Variants in PLA2G6 observed in about 807,000 individuals in gnomAD.
PLA2G6 encodes the protein 85/88 kDa calcium-independent phospholipase A2.
A neutral mutation model predicts 83.8 loss-of-function variants in PLA2G6; 62 were observed. That is an observed-to-expected ratio of 0.74 (90% CI 0.60 to 0.91). PLA2G6 has a LOEUF of 0.91. PLA2G6 is among the 40% of genes least tolerant of loss of function. The pLI is 0.00. For missense variants in PLA2G6, 944 were observed against 1,102.0 expected (o/e 0.86, Z 2.03); for synonymous variants, 417 against 449.8 (o/e 0.93, Z 0.92).
At chr22:38,122,764 G>T (rs547233358) in intron 11 of PLA2G6, among the ~76,000 whole-genome samples, 1 of 152,336 alleles carries the variant, frequency 6.6e-6, no homozygotes, top group South Asian at 2.1e-4. Context: ...GCAGCAGGCT[G>T]TGTGGCCCCT....
At chr22:38,154,896 T>C (rs1165174691) in intron 2 of PLA2G6, among the ~76,000 whole-genome samples, 1 of 152,190 alleles carries the variant, frequency 6.6e-6, no homozygotes, top group Non-Finnish European at 1.5e-5. Flanking sequence ...TTCAGAATCC[T>C]AACAGATAAA....
chr22:38,127,897 C>A (rs1280235390), intron 9 of PLA2G6, among the ~76,000 whole-genome samples: 1 of 152,182 alleles, frequency 6.6e-6, no homozygotes, highest in Non-Finnish European at 1.5e-5. Flanking sequence ...GCCAGAGGGA[C>A]AGGTGAAGCC....
At chr22:38,162,568 G>C (rs922051179) in intron 2 of PLA2G6, among the ~76,000 whole-genome samples, 2 of 152,142 alleles carry the variant, frequency 1.3e-5, no homozygotes, top group African/African-American at 4.8e-5. Context: ...TTGTATTTAC[G>C]GGAGAGCTGC....
intron 1 of PLA2G6, among the ~76,000 whole-genome samples, chr22:38,176,619 G>A (rs934567820): frequency 6.6e-6 from 1 of 152,136 alleles, no homozygotes; most frequent in Non-Finnish European, 1.5e-5. Context: ...CTGTAGCTCC[G>A]TCTGTGCCAC....
At chr22:38,163,620 A>G (rs1263306243) in intron 2 of PLA2G6, 1 of 169,458 alleles carries the variant, frequency 5.9e-6, no homozygotes, top group Non-Finnish European at 1.5e-5. Context: ...AGGCCCACAG[A>G]GCAGGAGCCG....
chr22:38,116,316 C>T (rs1569244759), intron 12 of PLA2G6, 105 bp from the exon 13 acceptor site: 2 of 1,258,910 alleles, frequency 1.6e-6, no homozygotes, highest in Non-Finnish European at 2.3e-6. Context: ...GTGCCCACTC[C>T]AACCTCTGTT....
At chr22:38,149,453 G>T (rs1306613402) in intron 2 of PLA2G6, 1 of 152,088 alleles carries the variant, frequency 6.6e-6, no homozygotes, top group African/African-American at 2.4e-5. Flanking sequence ...ATATAATCAG[G>T]AAAGAGTAAA....
At chr22:38,114,181 C>CTTTT (rs892300892) in intron 14 of PLA2G6, among the ~76,000 whole-genome samples, 65 of 137,576 alleles carry the variant, frequency 4.7e-4, no homozygotes, top group African/African-American at 1.5e-3. Flanking sequence ...TGGGTGCTGC[C>CTTTT]TTTTTTTTTT....
rs1249932456 is a variant in PLA2G6 at position 38,117,907 on chromosome 22, A to G, written c.1743-1696T>C. Among the ~76,000 whole-genome samples the G allele has an allele frequency of 2.0e-5, 3 of 152,058 alleles. No homozygotes were observed. In the East Asian group the frequency reaches 5.8e-4, roughly 30 times the overall value. On this transcript the variant is annotated intron_variant, in intron 12 of 16. Transcript: ENST00000332509. Reference sequence around the variant, plus strand: ...AAAAATTAGCCGGGCATGGTGGTGCACGCCTATAATCCCAGCTACTCCGGA... The same window carrying G: ...AAAAATTAGCCGGGCATGGTGGTGCGCGCCTATAATCCCAGCTACTCCGGA...
chr22:38,174,976 AG>A (rs2090580198), intron 1 of PLA2G6, among the ~76,000 whole-genome samples: 1 of 152,128 alleles, frequency 6.6e-6, no homozygotes. Flanking sequence ...GCGGGTGGTG[AG>A]GGAGAACTCA....
chr22:38,144,830 CATAAAATAAAATAAAATAAAATAAA>C lies in PLA2G6; in HGVS notation c.425+583_425+607del, dbSNP rs132935. The C allele has an allele frequency of 1.7e-4, 30 of 181,486 alleles. 2 individuals carry two copies. Among genetic ancestry groups the C allele is most frequent in the Admixed American group, 2.6e-4 (4 of 15,370 alleles). 11.2% of individuals were successfully genotyped at this position (181,486 alleles called of 1,614,324 possible). A position where few individuals can be genotyped will look rare whatever the true frequency, so the allele number is the denominator to read the frequency against. On this transcript the variant is annotated intron_variant, in intron 3 of 16. Transcript: ENST00000332509. ...CTCAAAATAAAATAACATAACGTAA[CATAAAATAAAATAAAATAAAATAAA>C]ATAAAATAAAATAAAATAAAGTAAA...
chr22:38,143,089 C>G lies in PLA2G6; in HGVS notation c.609+16G>C, dbSNP rs749885679. ...GAGGTATCAGTACCAGTCACCCTGC[C>G]CCTCCCCCTGCTCACCTGCAGCACC... is the stretch of plus-strand genomic sequence containing the variant. On this transcript the variant is annotated intron_variant, in intron 4 of 16. Transcript: ENST00000332509. The G allele has an allele frequency of 3.1e-6, 5 of 1,612,634 alleles. No individual in the cohort carries two copies. The African/African-American group carries it at 6.7e-5, about 22-fold the overall frequency.
intron 7 of PLA2G6, among the ~76,000 whole-genome samples, 198 bp from the exon 8 acceptor site, chr22:38,129,760 C>T (rs1388795213): frequency 6.6e-6 from 1 of 152,182 alleles, no homozygotes; most frequent in African/African-American, 2.4e-5. Context: ...GGGGACCTGA[C>T]AAACAGGCTT....
intron 1 of PLA2G6, among the ~76,000 whole-genome samples, chr22:38,175,479 G>A (rs377328236): frequency 5.3e-5 from 8 of 152,186 alleles, no homozygotes; most frequent in Admixed American, 1.3e-4. Context: ...CTCCAGCCAC[G>A]CCGCACCATC....
Position 38,123,410 on chromosome 22 carries a change from G to T in PLA2G6, c.1428-152C>A. ...TTCTGTCCTATGCAGGACAGCGAGG[G>T]TGGGGGTGAGGGCAGTAAAGGAACA... On this transcript the variant is annotated intron_variant, in intron 10 of 16. Transcript: ENST00000332509. The surrounding 1 kb of genome is among the most constrained non-coding windows in gnomAD (Gnocchi z 4.1). 2 of 772,590 alleles carry T rather than the reference G, an allele frequency of 2.6e-6. No individual in the cohort carries two copies. The highest frequency in any genetic ancestry group is 2.2e-6 in the Non-Finnish European group (1 of 451,592). The allele number at this position is 772,590 out of a possible 1,614,324, so 47.9% of individuals were successfully genotyped here. A position where few individuals can be genotyped will look rare whatever the true frequency, so the allele number is the denominator to read the frequency against.
intron 14 of PLA2G6, among the ~76,000 whole-genome samples, chr22:38,114,359 G>T (rs2087060999): frequency 6.6e-6 from 1 of 152,082 alleles, no homozygotes; most frequent in East Asian, 1.9e-4. Context: ...TAATTTTTTT[G>T]TATTTTTAGT....
At position 38,123,106 on chromosome 22, in the gene PLA2G6, G is replaced by T. The variant is rs1422865730; in HGVS notation, c.1580C>A (p.Ala527Asp). Reference protein sequence around the residue: ...GTSTGGILALAILHSKSMAYM... With the variant: ...GTSTGGILALDILHSKSMAYM... ...GGGGCCGCCCTCACTGTGCAGAATGGCCAGGGCCAGGATGCCTCCAGTGCT... is the reference window on the plus strand; with the variant it reads ...GGGGCCGCCCTCACTGTGCAGAATGTCCAGGGCCAGGATGCCTCCAGTGCT... Residue 527 changes from alanine (A) to aspartate (D), a missense_variant, in exon 11 of 17, where the codon GCC (alanine) becomes GAC (aspartate). Physicochemically the swap from Ala to Asp is moderately radical, Grantham distance 126. Coordinates refer to ENST00000332509, the MANE Select transcript of PLA2G6 (RefSeq NM_003560.4). The surrounding 1 kb of genome is among the most constrained non-coding windows in gnomAD (Gnocchi z 4.1). 6.5e-7 allele frequency: 1 copy of T among 1,549,118 alleles called. No homozygotes were observed. Among genetic ancestry groups the T allele is most frequent in the East Asian group, 2.4e-5 (1 of 40,936 alleles).
chr22:38,120,896 G>A lies in PLA2G6; in HGVS notation c.1605C>T (p.Ala535=). 1.2e-6 allele frequency: 2 copies of A among 1,613,684 alleles called. No homozygotes were observed. Among genetic ancestry groups the A allele is most frequent in the Non-Finnish European group, 1.7e-6 (2 of 1,180,034 alleles). The change falls in exon 12 of 17, where the codon GCC becomes GCT. Residue 535 remains alanine (A), a synonymous_variant. Coordinates refer to ENST00000332509, the MANE Select transcript of PLA2G6 (RefSeq NM_003560.4). ...ALAILHSKSM[A]YMRGMYFRMK... The stretch of plus-strand genomic sequence containing the variant: ...TGCGAAAGTACATGCCGCGCATGTA[G>A]GCCATGGACTTACCTAGGAACAAAG...
chr22:38,129,325 C>T lies in PLA2G6; in HGVS notation c.1186+129G>A, dbSNP rs548382101. ...GCCCCCTCTCTGAGTACGAGGTGCT[C>T]CTGGCAGCTCTGAGCAGGGCGGGTC... On this transcript the variant is annotated intron_variant, in intron 8 of 16. Coordinates refer to ENST00000332509, the MANE Select transcript of PLA2G6 (RefSeq NM_003560.4). 68 of 726,150 alleles carry T rather than the reference C, an allele frequency of 9.4e-5. 1 individual carries two copies. The South Asian group carries it at 9.6e-4, about 10-fold the overall frequency. 45.0% of individuals were successfully genotyped at this position (726,150 alleles called of 1,614,324 possible). A position where few individuals can be genotyped will look rare whatever the true frequency, so the allele number is the denominator to read the frequency against.
Sources: allele counts gnomAD v4.1 joint callset (sites outside exome capture counted in the v4.1 genomes callset), GRCh38; gene constraint gnomAD v4.1.1; non-coding constraint Gnocchi (gnomAD v3.1); transcripts MANE v1.5; gene names NCBI Gene and HGNC (gene_info 2026-07-23, HGNC 2026-07-21).